The following GDF1 variants were observed in gnomAD, a reference collection of about 807,000 sequenced individuals.
GDF1 encodes growth differentiation factor 1.
Under a neutral mutation model 7.4 loss-of-function variants are expected in GDF1, and 8 were observed. The ratio of observed to expected loss-of-function variants is 1.09; its 90% CI spans 0.64 to 1.96. The LOEUF (loss-of-function observed/expected upper bound fraction) is 1.96. Among genes scored for constraint, GDF1 ranks in the 30% most tolerant of loss-of-function variants. The pLI is 0.00. For synonymous variants in GDF1, 311 were observed against 276.7 expected (o/e 1.12, Z -1.23); for missense variants, 574 against 551.5 (o/e 1.04, Z -0.41).
At chr19:18,892,766 A>AG (rs1402620003) in intron 2 of GDF1, among the ~76,000 whole-genome samples, 1 of 152,056 alleles carries the variant, frequency 6.6e-6, no homozygotes, top group African/African-American at 2.4e-5. Context: ...GGACCCACAC[A>AG]GGGGTCCTTC....
At chr19:18,881,976 ATTT>A (rs1237049383) in intron 3 of GDF1, 3 of 152,788 alleles carry the variant, frequency 2.0e-5, no homozygotes. Context: ...TGCCCAGCTA[ATTT>A]TTTTATTTTT....
rs1402302169 is a variant in GDF1 at position 18,868,587 on chromosome 19, C to T, written c.*10G>A. ...TTTATTGTTGGGCCCGCGTCCCTGC[C>T]CGCCCCGGGTTAGCGGCAGCCGCAC... On this transcript the variant is annotated 3_prime_UTR_variant, in exon 8 of 8. Transcript: ENST00000247005. 11 of 1,548,288 alleles carry T rather than the reference C, an allele frequency of 7.1e-6. No homozygotes were observed. Among genetic ancestry groups the T allele is most frequent in the Non-Finnish European group, 9.6e-6 (11 of 1,143,898 alleles).
Position 18,869,356 on chromosome 19 carries a change from G to A in GDF1, c.360C>T (p.Ala120=), listed in dbSNP as rs747631423. The change falls in exon 8 of 8, where the codon GCC becomes GCT. Residue 120 remains alanine (A), a synonymous_variant. Coordinates refer to ENST00000247005, the MANE Select transcript of GDF1 (RefSeq NM_001492.6). ...APTRASEPAS[A]AGHCPEWTVV... ...CTGTCCACTCAGGGCAATGCCCCGCGGCCGAGGCAGGCTCCGAGGCCCGGG... is the reference window on the plus strand; with the variant it reads ...CTGTCCACTCAGGGCAATGCCCCGCAGCCGAGGCAGGCTCCGAGGCCCGGG... 5 of 1,531,802 alleles carry A rather than the reference G, an allele frequency of 3.3e-6. No homozygotes were observed. Among genetic ancestry groups the A allele is most frequent in the African/African-American group, 1.4e-5 (1 of 72,464 alleles). 94.9% of individuals were successfully genotyped at this position (1,531,802 alleles called of 1,614,324 possible).
In GDF1 at chr19:18,870,025, G is replaced by T; in HGVS notation, c.283C>A (p.Leu95Met). 6.3e-7 allele frequency: 1 copy of T among 1,597,152 alleles called. No individual in the cohort carries two copies. The change falls in exon 7 of 8, where the codon CTG (leucine) becomes ATG (methionine). Residue 95 changes from leucine to methionine, a missense_variant. Coordinates refer to ENST00000247005, the MANE Select transcript of GDF1 (RefSeq NM_001492.6). This position sits in a 1 kb window ranked among gnomAD's most constrained non-coding sequence, Gnocchi z 5.1. ...CGCACGATGTTTCCGGCGACCCCCA[G>T]CTCCTCCACGTGGCACGGTTGCAGG... ...VTLQPCHVEE[L>M]GVAGNIVRHI... is the part of the protein sequence containing the mutation.
At chr19:18,887,234 A>G (rs951277706) in intron 2 of GDF1, among the ~76,000 whole-genome samples, 1 of 152,254 alleles carries the variant, frequency 6.6e-6, no homozygotes, top group Admixed American at 6.5e-5. Flanking sequence ...CATGATGCTG[A>G]GTAAGAGAAG....
rs2146018987 is a variant in GDF1 at position 18,880,429 on chromosome 19, G to A, written c.-726C>T. 1 of 1,584,252 alleles carries A rather than the reference G, an allele frequency of 6.3e-7. No individual in the cohort carries two copies. The highest frequency in any genetic ancestry group is 1.1e-5 in the South Asian group (1 of 87,092). ...GGAAGAGCACAAGGATGCCCACATTGTGGTACCTGGGGGAGCAGCAGGCAG... is the reference window on the plus strand; with the variant it reads ...GGAAGAGCACAAGGATGCCCACATTATGGTACCTGGGGGAGCAGCAGGCAG... On this transcript the variant is annotated 5_prime_UTR_variant, in exon 4 of 8. Transcript: ENST00000247005.
At chr19:18,872,557 C>T (rs1234994387) in intron 6 of GDF1, among the ~76,000 whole-genome samples, 1 of 151,950 alleles carries the variant, frequency 6.6e-6, no homozygotes, top group African/African-American at 2.4e-5. Flanking sequence ...CTCTTGTCCC[C>T]CAGGCGGGAA....
intron 7 of GDF1, among the ~76,000 whole-genome samples, chr19:18,869,672 G>C (rs1601145187): frequency 7.1e-6 from 1 of 140,708 alleles, no homozygotes; most frequent in East Asian, 2.3e-4. Flanking sequence ...GGCCCCTGGG[G>C]AAGCCATGCT....
At chr19:18,872,995 C>A (rs1242999849) in intron 6 of GDF1, among the ~76,000 whole-genome samples, 1 of 152,184 alleles carries the variant, frequency 6.6e-6, no homozygotes, top group Non-Finnish European at 1.5e-5. Context: ...CTATCCACCA[C>A]TGTGGTGAAA....
At position 18,885,511 on chromosome 19, in the gene GDF1, G is replaced by GTTTTTTT. The variant is rs59793456; in HGVS notation, c.-913-1251_-913-1245dup. Among the ~76,000 whole-genome samples the GTTTTTTT allele has an allele frequency of 3.6e-3, 80 of 22,096 alleles. 2 individuals carry two copies. Among genetic ancestry groups the GTTTTTTT allele is most frequent in the African/African-American group, 8.3e-3 (72 of 8,682 alleles). 14.5% of individuals were successfully genotyped at this position (22,096 alleles called of 152,430 possible). A position where few individuals can be genotyped will look rare whatever the true frequency, so the allele number is the denominator to read the frequency against. ...CTCACCCAGCCCAGCGCCCCTTCTC[G>GTTTTTTT]TTTTTTTTTTTTTTTTTTTTTTTTT... On this transcript the variant is annotated intron_variant, in intron 2 of 7. Coordinates refer to ENST00000247005, the MANE Select transcript of GDF1 (RefSeq NM_001492.6).
intron 2 of GDF1, among the ~76,000 whole-genome samples, chr19:18,887,284 C>G (rs573562684): frequency 8.1e-4 from 124 of 152,272 alleles, no homozygotes; most frequent in African/African-American, 2.7e-3. Flanking sequence ...CTCCAGTGAT[C>G]TGAAATGCCC....
At chr19:18,892,915 CT>C (rs143561972) in intron 2 of GDF1, among the ~76,000 whole-genome samples, 3,010 of 151,994 alleles carry the variant, frequency 0.02, 47 homozygotes, top group Non-Finnish European at 0.032. Context: ...TTACACTGTT[CT>C]TTTTTTCTTT....
At position 18,879,350 on chromosome 19, in the gene GDF1, A is replaced by G; in HGVS notation, c.-532T>C. The stretch of plus-strand genomic sequence containing the variant: ...CAGACTGCAGTGACTGGTGGCATAC[A>G]GGACCTTGAGCGGGAACCAGTAGAG... On this transcript the variant is annotated 5_prime_UTR_variant, in exon 5 of 8. Transcript: ENST00000247005. 1.3e-6 allele frequency: 2 copies of G among 1,594,386 alleles called. No homozygotes were observed. Among genetic ancestry groups the G allele is most frequent in the Middle Eastern group, 1.7e-4 (1 of 6,040 alleles).
At chr19:18,876,930 C>T (rs1200777281) in intron 6 of GDF1, among the ~76,000 whole-genome samples, 10 of 152,212 alleles carry the variant, frequency 6.6e-5, no homozygotes, top group Admixed American at 3.9e-4. Context: ...CAGGTGGCAT[C>T]TGTCTCCTTG....
At chr19:18,873,589 GCA>G (rs1491279396) in intron 6 of GDF1, among the ~76,000 whole-genome samples, 1 of 151,946 alleles carries the variant, frequency 6.6e-6, no homozygotes, top group African/African-American at 2.4e-5. Flanking sequence ...TGTAATCCTA[GCA>G]CTTTGGGAGG....
intron 3 of GDF1, among the ~76,000 whole-genome samples, chr19:18,882,633 T>C (rs2056240905): frequency 6.7e-6 from 1 of 150,116 alleles, no homozygotes; most frequent in South Asian, 2.1e-4. Context: ...CGAGACTCTG[T>C]CTCAAAAAAA....
In GDF1 at chr19:18,888,537, A is replaced by C. The variant is rs1277442451; in HGVS notation, c.-913-4270T>G. 7.0e-3 allele frequency among the ~76,000 whole-genome samples: 1,030 copies of C among 147,862 alleles called. 6 individuals carry two copies. The highest frequency in any genetic ancestry group is 0.024 in the African/African-American group (956 of 39,884). ...TGTCTCTTAAAAAAAAAAAAAAAAA[A>C]AAAAAAAAACAGGCTAGGTGCGGTG... On this transcript the variant is annotated intron_variant, in intron 2 of 7. Transcript: ENST00000247005.
chr19:18,879,456 C>A (rs2056140093), intron 4 of GDF1, 68 bp from the exon 5 acceptor site: 1 of 1,525,392 alleles, frequency 6.6e-7, no homozygotes, highest in Non-Finnish European at 8.8e-7. Context: ...CCTGTCCTAT[C>A]CCGTCCTAGA....
At chr19:18,872,059 G>A (rs979839863) in intron 6 of GDF1, among the ~76,000 whole-genome samples, 1 of 152,198 alleles carries the variant, frequency 6.6e-6, no homozygotes, top group African/African-American at 2.4e-5. Context: ...CCTCCAGGAT[G>A]GTCTTTAGTA....
Sources: allele counts gnomAD v4.1 joint callset (sites outside exome capture counted in the v4.1 genomes callset), GRCh38; gene constraint gnomAD v4.1.1; non-coding constraint Gnocchi (gnomAD v3.1); transcripts MANE v1.5; gene names NCBI Gene and HGNC (gene_info 2026-07-23, HGNC 2026-07-21).